Variants in MTA3 observed in about 807,000 individuals in gnomAD.
MTA3 encodes the protein metastasis-associated protein MTA3.
In MTA3, 34 loss-of-function variants were observed where a neutral mutation model predicts 83.5. The observed-to-expected ratio is 0.41, with a 90% confidence interval of 0.31 to 0.54. The LOEUF is 0.54. Among genes scored for constraint, MTA3 ranks in the 20% least tolerant of loss-of-function variants. The probability of loss-of-function intolerance (pLI) is 0.33; values close to 1 mark genes in which losing one functional copy is unlikely to be tolerated. For synonymous variants in MTA3, 303 were observed against 252.7 expected, an observed-to-expected ratio of 1.20 and a Z score of -1.89; for missense variants, 761 against 726.4, an observed-to-expected ratio of 1.05 and a Z score of -0.55.
intron 2 of MTA3, among the ~76,000 whole-genome samples, chr2:42,500,472 C>A (rs1312421975): frequency 2.6e-5 from 4 of 151,884 alleles, no homozygotes; most frequent in Admixed American, 2.6e-4. Flanking sequence ...GCAGGAGAAT[C>A]GCTTAAACCT....
chr2:42,563,948 A>G (rs1677789623), upstream of MTA3, among the ~76,000 whole-genome samples: 1 of 151,920 alleles, frequency 6.6e-6, no homozygotes, highest in African/African-American at 2.4e-5. Context: ...CTCAGCCTCC[A>G]GAGTAGCTGG....
intron 2 of MTA3, among the ~76,000 whole-genome samples, chr2:42,501,648 T>G (rs1674399225): frequency 6.6e-6 from 1 of 151,832 alleles, no homozygotes; most frequent in Admixed American, 6.6e-5. Context: ...TATTACAGAG[T>G]GCCAAGCAAG....
intron 2 of MTA3, among the ~76,000 whole-genome samples, chr2:42,553,625 C>T (rs1489487454): frequency 2.0e-5 from 3 of 150,780 alleles, no homozygotes; most frequent in Non-Finnish European, 4.4e-5. Flanking sequence ...ATCCCAGCTA[C>T]TCGAGAGGCT....
At chr2:42,733,433 C>G (rs928065641) in intron 16 of MTA3, among the ~76,000 whole-genome samples, 1 of 152,190 alleles carries the variant, frequency 6.6e-6, no homozygotes, top group Admixed American at 6.5e-5. Flanking sequence ...TGTGGGAATT[C>G]CGGGAGGTAC....
At chr2:42,666,395 T>C (rs1341318188) in intron 8 of MTA3, among the ~76,000 whole-genome samples, 1 of 152,214 alleles carries the variant, frequency 6.6e-6, no homozygotes, top group Non-Finnish European at 1.5e-5. Context: ...ACTGGTACTG[T>C]AGTCAACAAA....
rs1163651936 is a variant in MTA3 at position 42,545,073 on chromosome 2, A to C, written c.-140-25364A>C. On this transcript the variant is annotated intron_variant, in intron 2 of 17. Transcript: ENST00000405592. ...AGCTGCAGAAAACAGCTCAGTCATG[A>C]GACCATTAAGATTTTGAATCCCAAC... Among the ~76,000 whole-genome samples the C allele has an allele frequency of 2.6e-5, 4 of 152,164 alleles. No homozygotes were observed. The East Asian group carries it at 7.7e-4, about 29-fold the overall frequency.
rs923510142 is a variant in MTA3, at chr2:42,514,465, C to T, written c.-141+19211C>T. Among the ~76,000 whole-genome samples, 4 of 151,950 alleles carry T rather than the reference C, an allele frequency of 2.6e-5. No homozygotes were observed. In the South Asian group the frequency reaches 8.3e-4, roughly 31 times the overall value. On this transcript the variant is annotated intron_variant, in intron 2 of 17. Coordinates refer to the MTA3 transcript ENST00000405592. Reference sequence around the variant, plus strand: ...GGCACTGTCTTGAGGCTCACTACAACCTCCACCTCCAGGATTCAAGCAATT... The same window carrying T: ...GGCACTGTCTTGAGGCTCACTACAATCTCCACCTCCAGGATTCAAGCAATT...
At position 42,599,642 on chromosome 2, in the gene MTA3, T is replaced by A. The variant is rs1682305034; in HGVS notation, c.191-9816T>A. On this transcript the variant is annotated intron_variant, in intron 3 of 16. Transcript: ENST00000405094. Reference sequence around the variant, plus strand: ...TTCATGTGGGTGAAACTGCAGTTCCTGACAGGAATTAATTTCATCATGGTA... The same window carrying A: ...TTCATGTGGGTGAAACTGCAGTTCCAGACAGGAATTAATTTCATCATGGTA... 2.6e-5 allele frequency among the ~76,000 whole-genome samples: 4 copies of A among 152,104 alleles called. No individual in the cohort carries two copies. The South Asian group carries it at 8.3e-4, about 32-fold the overall frequency.
At position 42,723,054 on chromosome 2, in the gene MTA3, T is replaced by G; in HGVS notation, c.1759+19T>G. On this transcript the variant is annotated intron_variant, in intron 16 of 16. Transcript: ENST00000405094. ...CTGGATGGTATGTAAGCCCAGGAAT[T>G]CTGGAGGCTGTTCTGATAGAGTGCC... The G allele has an allele frequency of 1.3e-6, 2 of 1,549,896 alleles. No individual in the cohort carries two copies. The highest frequency in any genetic ancestry group is 1.7e-6 in the Non-Finnish European group (2 of 1,146,490).
intron 2 of MTA3, among the ~76,000 whole-genome samples, chr2:42,542,032 AGT>A (rs983503085): frequency 1.3e-5 from 2 of 152,126 alleles, no homozygotes; most frequent in Admixed American, 6.6e-5. Context: ...TGGGCTTTTC[AGT>A]GTGTGTGCTG....
intron 9 of MTA3, 39 bp from the exon 10 acceptor site, chr2:42,695,726 T>C (rs891547689): frequency 8.0e-7 from 1 of 1,253,466 alleles, no homozygotes; most frequent in South Asian, 1.4e-5. Flanking sequence ...TTTTATTATA[T>C]GTTAACATAG....
At chr2:42,636,220 G>C (rs1008326201) in intron 4 of MTA3, among the ~76,000 whole-genome samples, 1 of 152,120 alleles carries the variant, frequency 6.6e-6, no homozygotes, top group African/African-American at 2.4e-5. Context: ...TAAGTGGGTA[G>C]TCCCCGCTTC....
At chr2:42,497,981 G>A (rs1209372038) in intron 2 of MTA3, among the ~76,000 whole-genome samples, 1 of 152,182 alleles carries the variant, frequency 6.6e-6, no homozygotes, top group East Asian at 1.9e-4. Flanking sequence ...CCCTTTTACT[G>A]CTGACTCTGG....
chr2:42,520,837 A>G (rs1277118176), intron 2 of MTA3, among the ~76,000 whole-genome samples: 1 of 152,076 alleles, frequency 6.6e-6, no homozygotes, highest in Non-Finnish European at 1.5e-5. Context: ...AAGTGCTGGG[A>G]TTACAGGTGT....
At chr2:42,538,918 G>A (rs796650277) in intron 2 of MTA3, among the ~76,000 whole-genome samples, 2,846 of 148,996 alleles carry the variant, frequency 0.019, 81 homozygotes, top group African/African-American at 0.067. Flanking sequence ...GGGACTACAG[G>A]CGCCCGCCAC....
At position 42,755,773 on chromosome 2, in the gene MTA3, G is replaced by T; in HGVS notation, c.*2374G>T. On this transcript the variant is annotated 3_prime_UTR_variant, in exon 17 of 17. Transcript: ENST00000405094. ...CTGTGTGTCAGTGGCATGTCACTGTGGTTCAGTGAGCACATGGGTGGACGT... is the reference window on the plus strand; with the variant it reads ...CTGTGTGTCAGTGGCATGTCACTGTTGTTCAGTGAGCACATGGGTGGACGT... 2 of 985,534 alleles carry T rather than the reference G, an allele frequency of 2.0e-6. No homozygotes were observed. The highest frequency in any genetic ancestry group is 2.4e-6 in the Non-Finnish European group (2 of 830,018). The allele number at this position is 985,534 out of a possible 1,614,324, so 61.0% of individuals were successfully genotyped here.
At chr2:42,656,095 C>T (rs1029143585) in intron 6 of MTA3, 105 bp from the exon 7 acceptor site, 1 of 825,372 alleles carries the variant, frequency 1.2e-6, no homozygotes, top group Non-Finnish European at 2.0e-6. Context: ...TGGGCACTTA[C>T]CTTACACATA....
At chr2:42,667,684 G>T (rs932198973) in intron 8 of MTA3, among the ~76,000 whole-genome samples, 8 of 148,592 alleles carry the variant, frequency 5.4e-5, no homozygotes, top group African/African-American at 1.2e-4. Context: ...CCTCAGCCTG[G>T]AATGCAGTGG....
chr2:42,628,569 A>T (rs1409283275), intron 4 of MTA3, among the ~76,000 whole-genome samples: 1 of 152,192 alleles, frequency 6.6e-6, no homozygotes, highest in Non-Finnish European at 1.5e-5. Flanking sequence ...AAAAGAGGAG[A>T]TAAACACATT....
Sources: gnomAD v4.1 joint callset for allele counts (sites outside exome capture counted in the v4.1 genomes callset) on GRCh38, gnomAD v4.1.1 for gene constraint, MANE v1.5 for transcripts, NCBI Gene and HGNC (gene_info 2026-07-23, HGNC 2026-07-21) for gene names.